The following TBC1D14 variants were observed in gnomAD, a reference collection of about 807,000 sequenced individuals.
TBC1D14 encodes TBC1 domain family member 14.
A neutral mutation model predicts 79.0 loss-of-function variants in TBC1D14; 26 were observed. The ratio of observed to expected loss-of-function variants is 0.33; its 90% CI spans 0.24 to 0.46. The LOEUF (loss-of-function observed/expected upper bound fraction) is 0.46, where lower values mean the gene tolerates loss of function less well. TBC1D14 is among the 20% of genes least tolerant of loss of function. TBC1D14 has a pLI of 1.00. For missense variants in TBC1D14, 769 were observed against 887.6 expected (o/e 0.87, Z 1.70); for synonymous variants, 394 against 349.9 (o/e 1.13, Z -1.40).
chr4:7,023,813 C>T (rs562164726), intron 12 of TBC1D14, among the ~76,000 whole-genome samples: 6 of 152,332 alleles, frequency 3.9e-5, no homozygotes, highest in Non-Finnish European at 5.9e-5. Flanking sequence ...GGTGTCCTTC[C>T]GGAGGGGCTC....
intron 7 of TBC1D14, among the ~76,000 whole-genome samples, chr4:7,002,377 T>C (rs1719759864): frequency 6.6e-6 from 1 of 152,180 alleles, no homozygotes; most frequent in Admixed American, 6.5e-5. Context: ...TCTCTGCAGA[T>C]TGGATGGAAT....
In TBC1D14 at chr4:7,006,814, A is replaced by G. The variant is rs796346455; in HGVS notation, c.1446+88A>G. The G allele has an allele frequency of 5.2e-6, 7 of 1,342,068 alleles. No homozygotes were observed. The African/African-American group carries it at 1.0e-4, about 20-fold the overall frequency. The allele number at this position is 1,342,068 out of a possible 1,614,324, so 83.1% of individuals were successfully genotyped here. Reference sequence around the variant, plus strand: ...GTGTATATTTGTTGTCAAGTTTGAAAGGTACTTGGGTTTTTGGGGGTGTTA... The same window carrying G: ...GTGTATATTTGTTGTCAAGTTTGAAGGGTACTTGGGTTTTTGGGGGTGTTA... On this transcript the variant is annotated intron_variant, in intron 9 of 13. Coordinates refer to ENST00000409757, the MANE Select transcript of TBC1D14 (RefSeq NM_020773.3).
At chr4:6,912,069 G>C (rs1267866783) in intron 1 of TBC1D14, among the ~76,000 whole-genome samples, 1 of 152,110 alleles carries the variant, frequency 6.6e-6, no homozygotes, top group Non-Finnish European at 1.5e-5. Flanking sequence ...ACCATGGCCA[G>C]CTTAACATTT....
At chr4:6,928,258 G>T (rs146094389) in intron 2 of TBC1D14, among the ~76,000 whole-genome samples, 256 of 152,302 alleles carry the variant, frequency 1.7e-3, no homozygotes, top group Non-Finnish European at 3.1e-3. Context: ...GGGGGCACCT[G>T]GCTGTGTTTA....
At chr4:7,023,949 C>T (rs547174875) in intron 12 of TBC1D14, among the ~76,000 whole-genome samples, 2 of 152,192 alleles carry the variant, frequency 1.3e-5, no homozygotes, top group Admixed American at 6.5e-5. Flanking sequence ...AGGCCTTCCT[C>T]GACTTTTACT....
At chr4:6,981,009 C>T (rs1395530391) in intron 3 of TBC1D14, among the ~76,000 whole-genome samples, 2 of 151,010 alleles carry the variant, frequency 1.3e-5, no homozygotes, top group African/African-American at 2.4e-5. Context: ...GCCACCGCGC[C>T]CGGCCTCTGT....
At chr4:6,989,827 G>GTCA (rs1718306701) in intron 3 of TBC1D14, among the ~76,000 whole-genome samples, 1 of 152,088 alleles carries the variant, frequency 6.6e-6, no homozygotes, top group Non-Finnish European at 1.5e-5. Flanking sequence ...CCTTAGCTGG[G>GTCA]TCATCAGACC....
chr4:7,006,816 G>C, intron 9 of TBC1D14, 90 bp downstream of exon 9: 1 of 1,308,168 alleles, frequency 7.6e-7, no homozygotes, highest in Non-Finnish European at 1.1e-6. Context: ...AGTTTGAAAG[G>C]TACTTGGGTT....
At position 6,942,022 on chromosome 4, in the gene TBC1D14, A is replaced by G. The variant is rs1712958593; in HGVS notation, c.722+17911A>G. ...ACCCATGGGCAAGCCCATTCCTGCAAAGCAGTTCTTCAGCCATCAGCCACT... is the reference window on the plus strand; with the variant it reads ...ACCCATGGGCAAGCCCATTCCTGCAGAGCAGTTCTTCAGCCATCAGCCACT... On this transcript the variant is annotated intron_variant, in intron 2 of 13. Coordinates refer to ENST00000409757, the MANE Select transcript of TBC1D14 (RefSeq NM_020773.3). Among the ~76,000 whole-genome samples the G allele has an allele frequency of 2.6e-5, 4 of 152,216 alleles. No homozygotes were observed. The South Asian group carries it at 8.3e-4, about 32-fold the overall frequency.
intron 2 of TBC1D14, among the ~76,000 whole-genome samples, chr4:6,930,142 G>A (rs1711595697): frequency 6.6e-6 from 1 of 152,322 alleles, no homozygotes; most frequent in East Asian, 1.9e-4. Context: ...GGGAGGAAGC[G>A]AGCAGAGCTC....
intron 2 of TBC1D14, among the ~76,000 whole-genome samples, chr4:6,960,890 G>T (rs537382440): frequency 1.1e-4 from 16 of 152,208 alleles, no homozygotes; most frequent in African/African-American, 3.9e-4. Flanking sequence ...GGCCGAGAGA[G>T]GCCAGAATCG....
At chr4:6,984,000 G>C (rs1351973489) in intron 3 of TBC1D14, among the ~76,000 whole-genome samples, 1 of 152,184 alleles carries the variant, frequency 6.6e-6, no homozygotes, top group Non-Finnish European at 1.5e-5. Flanking sequence ...TCTTACTGCT[G>C]CGTCTCGCCA....
intron 2 of TBC1D14, 86 bp downstream of exon 2, chr4:6,924,197 C>T (rs1013562549): frequency 1.4e-6 from 2 of 1,478,672 alleles, no homozygotes; most frequent in South Asian, 2.7e-5. Context: ...GTTGTGTGTT[C>T]TCTGTGGTGT....
intron 12 of TBC1D14, among the ~76,000 whole-genome samples, chr4:7,017,074 G>T (rs748301681): frequency 2.6e-5 from 4 of 152,226 alleles, no homozygotes; most frequent in Non-Finnish European, 5.9e-5. Context: ...GCCCAGGCGG[G>T]CAGATCACAT....
intron 3 of TBC1D14, among the ~76,000 whole-genome samples, chr4:6,972,989 G>A (rs796593191): frequency 2.0e-5 from 3 of 152,200 alleles, no homozygotes; most frequent in Non-Finnish European, 4.4e-5. Flanking sequence ...GATTGACGTC[G>A]TTGTTGGAAA....
chr4:6,911,805 C>T (rs2108891242), intron 1 of TBC1D14, among the ~76,000 whole-genome samples: 1 of 152,296 alleles, frequency 6.6e-6, no homozygotes, highest in East Asian at 1.9e-4. Flanking sequence ...ACCTTGAGTC[C>T]CAGCCTCAGC....
chr4:6,972,568 C>G (rs1204844765), intron 3 of TBC1D14, among the ~76,000 whole-genome samples: 1 of 152,198 alleles, frequency 6.6e-6, no homozygotes, highest in Non-Finnish European at 1.5e-5. Context: ...CACTGTCACC[C>G]TCTAGGGCAA....
chr4:6,946,153 C>T (rs1273148687), intron 2 of TBC1D14, among the ~76,000 whole-genome samples: 2 of 152,022 alleles, frequency 1.3e-5, no homozygotes, highest in Non-Finnish European at 2.9e-5. Context: ...CCTACATTTC[C>T]GGTCATCAGG....
chr4:6,950,472 A>G (rs1212642512), intron 2 of TBC1D14, among the ~76,000 whole-genome samples: 1 of 152,160 alleles, frequency 6.6e-6, no homozygotes, highest in Admixed American at 6.5e-5. Flanking sequence ...ACTGGCAGAA[A>G]TCCTAGTCTG....
Sources: gnomAD v4.1 joint callset for allele counts (sites outside exome capture counted in the v4.1 genomes callset) on GRCh38, gnomAD v4.1.1 for gene constraint, MANE v1.5 for transcripts, NCBI Gene and HGNC (gene_info 2026-07-23, HGNC 2026-07-21) for gene names.